Variants in SYTL5 observed in about 807,000 individuals in gnomAD.
The protein encoded by SYTL5 is synaptotagmin-like protein 5.
A neutral mutation model predicts 55.9 loss-of-function variants in SYTL5; 34 were observed. The observed-to-expected ratio is 0.61, with a 90% confidence interval of 0.46 to 0.81. SYTL5 has a LOEUF of 0.81. Ranked by LOEUF, SYTL5 falls within the 30% of genes least tolerant of loss-of-function variation. The pLI is 0.00. For missense variants in SYTL5, 637 were observed against 546.7 expected (o/e 1.17, Z -1.65); for synonymous variants, 221 against 188.7 (o/e 1.17, Z -1.40).
chrX:37,934,169 A>G, the SYTL5 span, among the ~76,000 whole-genome samples: 1 of 110,967 alleles, frequency 9.0e-6, no homozygotes, highest in Non-Finnish European at 1.9e-5. Context: ...GGCATGCAAA[A>G]GAACAAGAAA....
Position 38,118,418 on chromosome X carries a change from G to A in SYTL5, c.1597-1940G>A, listed in dbSNP as rs150461256. On this transcript the variant is annotated intron_variant, in intron 13 of 16. Transcript: ENST00000297875. ...CTTGGCTATGAATGAGCTAGGTTTC[G>A]GGACTCTCATTCTGCCCTCTCTGAG... 1.6e-3 allele frequency among the ~76,000 whole-genome samples: 177 copies of A among 110,857 alleles called. 8 individuals carry two copies. In the East Asian group the frequency reaches 0.02, roughly 13 times the overall value.
intron 13 of SYTL5, among the ~76,000 whole-genome samples, chrX:38,112,534 A>G (rs781674118): frequency 1.8e-5 from 2 of 112,381 alleles, no homozygotes; most frequent in South Asian, 7.5e-4. Flanking sequence ...ATTTCTGAAG[A>G]ACCCAACAGA....
chrX:37,989,342 T>C, the SYTL5 span, among the ~76,000 whole-genome samples: 1 of 112,120 alleles, frequency 8.9e-6, no homozygotes, highest in Non-Finnish European at 1.9e-5. Flanking sequence ...AATGCCAGCT[T>C]AGACTGAAAG....
intron 5 of SYTL5, among the ~76,000 whole-genome samples, chrX:38,075,833 C>CA (rs1185832847): frequency 9.0e-6 from 1 of 111,531 alleles, no homozygotes; most frequent in Non-Finnish European, 1.9e-5. Context: ...AATGCCATTA[C>CA]AAAAAGGAAT....
chrX:37,982,097 G>A, the SYTL5 span, among the ~76,000 whole-genome samples: 1 of 112,280 alleles, frequency 8.9e-6, no homozygotes, highest in South Asian at 3.7e-4. Flanking sequence ...AACAAGACAT[G>A]TGATGTAACA....
At chrX:37,962,718 C>T in the SYTL5 span, among the ~76,000 whole-genome samples, 3,177 of 111,953 alleles carry the variant, frequency 0.028, 107 homozygotes, top group African/African-American at 0.095. Flanking sequence ...TATTTCTCCA[C>T]ATCCTCTCCA....
chrX:37,940,801 A>G, the SYTL5 span, among the ~76,000 whole-genome samples: 1 of 110,595 alleles, frequency 9.0e-6, no homozygotes, highest in Admixed American at 9.7e-5. Context: ...GATATGCTGC[A>G]ATGGGATATT....
chrX:38,096,234 G>A lies in SYTL5; in HGVS notation c.1062G>A (p.Lys354=). The stretch of plus-strand genomic sequence containing the variant: ...AGTCTGTCCCTGGGGCTTTAGACAA[G>A]GTAAGTTGGATGTGGAAGAAAATAT... ...RSKSVPGALD[K]DSLEETEESI... The change falls in exon 9 of 17, where the codon AAG becomes AAA. Residue 354 remains lysine, a splice_region_variant and synonymous_variant. Coordinates refer to ENST00000297875, the MANE Select transcript of SYTL5 (RefSeq NM_138780.3). 1 of 1,110,700 alleles carries A rather than the reference G, an allele frequency of 9.0e-7. No individual in the cohort carries two copies. The highest frequency in any genetic ancestry group is 1.2e-6 in the Non-Finnish European group (1 of 809,869). The allele number at this position is 1,110,700 out of a possible 1,213,427, so 91.5% of individuals were successfully genotyped here.
the SYTL5 span, chrX:37,991,246 A>T: frequency 8.6e-7 from 1 of 1,159,591 alleles, no homozygotes; most frequent in South Asian, 2.0e-5. Context: ...CCAGGGCAAA[A>T]ATGTGTCACA....
chrX:37,990,752 T>A, the SYTL5 span: 1 of 1,101,041 alleles, frequency 9.1e-7, no homozygotes, highest in Non-Finnish European at 1.2e-6. Flanking sequence ...AGGGATACAA[T>A]AGGCAGGACT....
rs373217211 is a variant in SYTL5 at position 38,028,176 on chromosome X, G to A, written c.-356-5358G>A. 4.5e-5 allele frequency among the ~76,000 whole-genome samples: 5 copies of A among 111,720 alleles called. No individual in the cohort carries two copies. The East Asian group carries it at 8.4e-4, about 19-fold the overall frequency. On this transcript the variant is annotated intron_variant, in intron 1 of 16. Transcript: ENST00000297875. The stretch of plus-strand genomic sequence containing the variant: ...TAACCTTCAGCTCCTGGACCTATTA[G>A]AAAGTGATATTCTTTACTTACCACA...
chrX:38,104,260 AT>A (rs1375431167), intron 10 of SYTL5, among the ~76,000 whole-genome samples: 1 of 111,701 alleles, frequency 9.0e-6, no homozygotes, highest in Admixed American at 9.5e-5. Context: ...AATTTAAAAT[AT>A]TTCTGTGATT....
At chrX:38,020,405 G>A (rs1411175019) in intron 1 of SYTL5, among the ~76,000 whole-genome samples, 8 of 61,988 alleles carry the variant, frequency 1.3e-4, no homozygotes, top group Non-Finnish European at 2.3e-4. Context: ...ATATATGTGT[G>A]TGCATATATA....
intron 6 of SYTL5, among the ~76,000 whole-genome samples, chrX:38,079,984 C>T (rs776201845): frequency 2.7e-5 from 3 of 111,928 alleles, no homozygotes; most frequent in Non-Finnish European, 5.6e-5. Flanking sequence ...CATCCTTATA[C>T]TTAAAATTAA....
At chrX:38,051,319 A>G (rs1003874895) in intron 2 of SYTL5, among the ~76,000 whole-genome samples, 2 of 106,754 alleles carry the variant, frequency 1.9e-5, no homozygotes, top group African/African-American at 7.5e-5. Flanking sequence ...GAACCACATG[A>G]TGTAAGAAAT....
At chrX:38,041,274 G>T (rs976756982) in intron 2 of SYTL5, among the ~76,000 whole-genome samples, 31 of 112,293 alleles carry the variant, frequency 2.8e-4, no homozygotes, top group Middle Eastern at 4.6e-3. Context: ...GGAAGTCAGG[G>T]AGTCTAAGCG....
the SYTL5 span, among the ~76,000 whole-genome samples, chrX:37,937,831 C>G: frequency 8.9e-6 from 1 of 112,306 alleles, no homozygotes; most frequent in Non-Finnish European, 1.9e-5. Context: ...ATGAAGATGT[C>G]TATGACAAGC....
the SYTL5 span, among the ~76,000 whole-genome samples, chrX:37,931,564 T>C: frequency 9.0e-6 from 1 of 111,356 alleles, no homozygotes; most frequent in Non-Finnish European, 1.9e-5. Flanking sequence ...ACCATATACT[T>C]GTTTATTACC....
chrX:37,980,397 A>G, the SYTL5 span, among the ~76,000 whole-genome samples: 2 of 112,095 alleles, frequency 1.8e-5, no homozygotes, highest in African/African-American at 6.5e-5. Context: ...TAAACTGGCA[A>G]GCCTTAGTAA....
Sources: gnomAD v4.1 joint callset for allele counts (sites outside exome capture counted in the v4.1 genomes callset) on GRCh38, gnomAD v4.1.1 for gene constraint, MANE v1.5 for transcripts, NCBI Gene and HGNC (gene_info 2026-07-23, HGNC 2026-07-21) for gene names.